ZNF3: variants seen among roughly 807,000 people sequenced by gnomAD.
The protein encoded by ZNF3 is zinc finger protein 3, also known as C2-H2 type zinc finger protein.
ZNF3 carries 16 observed loss-of-function variants against 36.9 expected under a neutral mutation model. That is an observed-to-expected ratio of 0.43 (90% confidence interval 0.29 to 0.66). ZNF3 has a LOEUF of 0.66. ZNF3 is among the 30% of genes least tolerant of loss of function. The pLI is 0.13. For synonymous variants in ZNF3, 201 were observed against 201.9 expected, an observed-to-expected ratio of 1.00 and a Z score of 0.04; for missense variants, 462 against 543.1, an observed-to-expected ratio of 0.85 and a Z score of 1.48.
At chr7:100,072,809 G>A (rs561407122) in intron 5 of ZNF3, among the ~76,000 whole-genome samples, 185 of 152,332 alleles carry the variant, frequency 1.2e-3, no homozygotes, top group African/African-American at 4.0e-3. Context: ...ATGCTCGCAC[G>A]TAAGGCTATG....
downstream of ZNF3, chr7:100,065,110 C>T (rs114198920): frequency 0.019 from 16,517 of 855,372 alleles, 211 homozygotes; most frequent in Middle Eastern, 0.027. Flanking sequence ...GAAAACTATT[C>T]CTACTGGTTT....
At position 100,071,227 on chromosome 7, in the gene ZNF3, A is replaced by G. The variant is rs368652797; in HGVS notation, c.1257T>C (p.Thr419=). 124 of 1,614,140 alleles carry G rather than the reference A, an allele frequency of 7.7e-5. No individual in the cohort carries two copies. The highest frequency in any genetic ancestry group is 9.0e-5 in the Non-Finnish European group (106 of 1,180,058). Residue 419 remains threonine (T), a synonymous_variant, in exon 6 of 6, where the codon ACT becomes ACC. Transcript: ENST00000299667. ...SALVRHQRIH[T]GEKPLNGIGM... ...CGATCCCATTCAAAGGCTTCTCTCCAGTGTGAATTCTCTGATGGCGAACAA... is the reference window on the plus strand; with the variant it reads ...CGATCCCATTCAAAGGCTTCTCTCCGGTGTGAATTCTCTGATGGCGAACAA...
downstream of ZNF3, among the ~76,000 whole-genome samples, chr7:100,068,350 G>C (rs1792751768): frequency 6.6e-6 from 1 of 151,898 alleles, no homozygotes; most frequent in African/African-American, 2.4e-5. Flanking sequence ...AAAGTGCTGG[G>C]ATTACAGCCA....
chr7:100,067,194 A>G (rs7778571), downstream of ZNF3, among the ~76,000 whole-genome samples: 31,545 of 152,084 alleles, frequency 0.21, 3,492 homozygotes, highest in Non-Finnish European at 0.24. Context: ...ATCTCCTACT[A>G]TTAACCCTGC....
Position 100,071,260 on chromosome 7 carries a change from G to A in ZNF3, c.1224C>T (p.Ser408=), listed in dbSNP as rs1443567574. Residue 408 remains serine, a synonymous_variant, in exon 6 of 6, where the codon AGC becomes AGT. Transcript: ENST00000299667. ...TTCTCTGATGGCGAACAAGAGCCGA[G>A]CTGTACCTGAAGGCTTTCCCACACT... ...CSECGKAFRY[S]SALVRHQRIH... The A allele has an allele frequency of 5.0e-6, 8 of 1,614,248 alleles. No individual in the cohort carries two copies. Among genetic ancestry groups the A allele is most frequent in the Non-Finnish European group, 6.8e-6 (8 of 1,180,044 alleles).
At position 100,077,116 on chromosome 7, in the gene ZNF3, C is replaced by T. The variant is rs1311246169; in HGVS notation, c.55+187G>A. The stretch of plus-strand genomic sequence containing the variant: ...AAACAATCTGCCTCAATTATCAAAC[C>T]TATCAAGCTGTCATTGATTACTGTT... On this transcript the variant is annotated intron_variant, in intron 3 of 5. Coordinates refer to ENST00000299667, the MANE Select transcript of ZNF3 (RefSeq NM_032924.5). The T allele has an allele frequency of 6.4e-6, 4 of 621,110 alleles. No homozygotes were observed. In the African/African-American group the frequency reaches 7.4e-5, roughly 11 times the overall value. 38.5% of individuals were successfully genotyped at this position (621,110 alleles called of 1,614,324 possible). A position where few individuals can be genotyped will look rare whatever the true frequency, so the allele number is the denominator to read the frequency against.
intron 5 of ZNF3, among the ~76,000 whole-genome samples, chr7:100,072,900 T>C (rs958098562): frequency 4.7e-4 from 72 of 152,236 alleles, no homozygotes; most frequent in Non-Finnish European, 2.8e-4. Flanking sequence ...AGGATAAATG[T>C]AAAGGGTCCA....
At position 100,075,741 on chromosome 7, in the gene ZNF3, CCTCT is replaced by C. The variant is rs367944098; in HGVS notation, c.56-115_56-112del. On this transcript the variant is annotated intron_variant, in intron 3 of 5. Transcript: ENST00000299667. ...CCGGGGTCCTGGGACAACACAGGAC[CCTCT>C]CTCTCACATTTCTAAGTTTGCTTCC... 164 of 925,312 alleles carry C rather than the reference CCTCT, an allele frequency of 1.8e-4. No individual in the cohort carries two copies. In the African/African-American group the frequency reaches 2.3e-3, roughly 13 times the overall value. 57.3% of individuals were successfully genotyped at this position (925,312 alleles called of 1,614,324 possible). A position where few individuals can be genotyped will look rare whatever the true frequency, so the allele number is the denominator to read the frequency against.
At chr7:100,075,383 G>A in intron 4 of ZNF3, 122 bp from the exon 5 acceptor site, 1 of 1,567,076 alleles carries the variant, frequency 6.4e-7, no homozygotes, top group Non-Finnish European at 8.8e-7. Flanking sequence ...AGGACAGGGT[G>A]GAGGAAGAGA....
At chr7:100,075,839 G>A (rs1794013442) in intron 3 of ZNF3, among the ~76,000 whole-genome samples, 1 of 152,098 alleles carries the variant, frequency 6.6e-6, no homozygotes. Flanking sequence ...TGAGCAGATG[G>A]CCACAGGCCT....
chr7:100,064,929 C>T (rs769461278), intron 5 of ZNF3: 17 of 1,610,414 alleles, frequency 1.1e-5, no homozygotes, highest in Non-Finnish European at 1.4e-5. Context: ...AAGGAAGAAA[C>T]ATTAAGATTG....
chr7:100,078,804 CT>C (rs1640638344), intron 2 of ZNF3: 2 of 152,136 alleles, frequency 1.3e-5, no homozygotes, highest in African/African-American at 4.8e-5. Context: ...TCTATTGCCA[CT>C]CACAACTGCA....
At chr7:100,078,864 G>T (rs1383013002) in intron 2 of ZNF3, 1 of 152,156 alleles carries the variant, frequency 6.6e-6, no homozygotes, top group African/African-American at 2.4e-5. Context: ...CATAATTACA[G>T]ACTGTTACAC....
At chr7:100,075,297 G>T (rs781341168) in intron 4 of ZNF3, 36 bp from the exon 5 acceptor site, 4 of 1,613,654 alleles carry the variant, frequency 2.5e-6, no homozygotes, top group Admixed American at 3.3e-5. Flanking sequence ...ATTTCAGGGT[G>T]AGGAATGTGA....
At chr7:100,079,917 G>A (rs927254220) in intron 1 of ZNF3, among the ~76,000 whole-genome samples, 1 of 151,828 alleles carries the variant, frequency 6.6e-6, no homozygotes, top group African/African-American at 2.4e-5. Flanking sequence ...TGCTCAGGCT[G>A]GTCTCAATCT....
At chr7:100,064,399 G>A (rs1792522897) in exon 6 of ZNF3, 7 of 1,601,150 alleles carry the variant, frequency 4.4e-6, no homozygotes, top group Non-Finnish European at 6.0e-6. Context: ...TCAGCATGCG[G>A]GCCTCAGCTC....
downstream of ZNF3, chr7:100,065,146 G>A (rs960716443): frequency 1.7e-6 from 1 of 577,840 alleles, no homozygotes; most frequent in Admixed American, 3.4e-5. Flanking sequence ...TGGATTTGGG[G>A]GTCAGGCACG....
chr7:100,067,390 G>A (rs141983988), downstream of ZNF3, among the ~76,000 whole-genome samples: 1,088 of 152,194 alleles, frequency 7.1e-3, 13 homozygotes, highest in Non-Finnish European at 9.7e-3. Flanking sequence ...CATTTTAGCA[G>A]CTCTACCTCA....
chr7:100,075,629 A>G lies in ZNF3; in HGVS notation c.57T>C (p.Ala19=), dbSNP rs1232147764. 2.5e-6 allele frequency: 4 copies of G among 1,614,050 alleles called. No individual in the cohort carries two copies. Among genetic ancestry groups the G allele is most frequent in the South Asian group, 2.2e-5 (2 of 91,060 alleles). ...SQEPQALLDS[A]LPSKVPAFSD... is the part of the protein sequence containing the mutation. Reference sequence around the variant, plus strand: ...AAAAGGCAGGAACTTTTGAAGGAAGAGCTGAAGGGCAATAAAAGGGCCCAG... The same window carrying G: ...AAAAGGCAGGAACTTTTGAAGGAAGGGCTGAAGGGCAATAAAAGGGCCCAG... Residue 19 remains alanine, a splice_region_variant and synonymous_variant, in exon 4 of 6, where the codon GCT becomes GCC. Transcript: ENST00000299667.
Sources: gnomAD v4.1 joint callset for allele counts (sites outside exome capture counted in the v4.1 genomes callset) on GRCh38, gnomAD v4.1.1 for gene constraint, MANE v1.5 for transcripts, NCBI Gene and HGNC (gene_info 2026-07-23, HGNC 2026-07-21) for gene names.